AFG2A: variants seen among roughly 807,000 people sequenced by gnomAD.
AFG2A encodes AAA ATPase AFG2A, also known as ATPase family gene 2 protein homolog A.
chr4:123,119,371 C>G, the AFG2A span, among the ~76,000 whole-genome samples: 3,223 of 152,138 alleles, frequency 0.021, 64 homozygotes, highest in Non-Finnish European at 0.035. Flanking sequence ...AACAAGAAAG[C>G]AAAGGTTACG....
At chr4:122,923,188 A>G in the AFG2A span, 2 of 1,614,194 alleles carry the variant, frequency 1.2e-6, no homozygotes, top group East Asian at 2.2e-5. Context: ...AAGCGCGGAA[A>G]ATGGTTCGTC....
chr4:122,926,069 A>T, the AFG2A span, among the ~76,000 whole-genome samples: 2 of 152,204 alleles, frequency 1.3e-5, no homozygotes, highest in African/African-American at 2.4e-5. Context: ...ACTTGAGTAG[A>T]CCTATATAGT....
the AFG2A span, among the ~76,000 whole-genome samples, chr4:123,288,037 T>A: frequency 2.0e-5 from 3 of 152,016 alleles, no homozygotes; most frequent in Admixed American, 1.3e-4. Flanking sequence ...TAGAGCCCAG[T>A]TGAAAAAAAG....
the AFG2A span, among the ~76,000 whole-genome samples, chr4:123,003,532 C>T: frequency 6.6e-6 from 1 of 152,124 alleles, no homozygotes. Flanking sequence ...CAGACAGGAC[C>T]CTCAGCTGCA....
chr4:123,189,802 T>G, the AFG2A span, among the ~76,000 whole-genome samples: 6 of 145,712 alleles, frequency 4.1e-5, no homozygotes, highest in Non-Finnish European at 9.0e-5. Flanking sequence ...TTTGCTAAGG[T>G]CATTTGCTTT....
At chr4:123,308,133 C>T in the AFG2A span, among the ~76,000 whole-genome samples, 1 of 152,134 alleles carries the variant, frequency 6.6e-6, no homozygotes, top group Non-Finnish European at 1.5e-5. Context: ...CATTTTGATA[C>T]CGAAGAAAGC....
chr4:123,280,374 T>C, the AFG2A span, among the ~76,000 whole-genome samples: 1 of 152,178 alleles, frequency 6.6e-6, no homozygotes, highest in Non-Finnish European at 1.5e-5. Flanking sequence ...GTTCGGTTCC[T>C]TTACAAATAA....
the AFG2A span, among the ~76,000 whole-genome samples, chr4:123,211,302 A>G: frequency 6.6e-6 from 1 of 152,162 alleles, no homozygotes; most frequent in South Asian, 2.1e-4. Flanking sequence ...ACCTGTGTTA[A>G]CTGTTTTTAA....
At chr4:122,942,219 T>TC in the AFG2A span, among the ~76,000 whole-genome samples, 1 of 148,938 alleles carries the variant, frequency 6.7e-6, no homozygotes, top group Non-Finnish European at 1.5e-5. Flanking sequence ...TACCAGTTCC[T>TC]CCTTGTACCT....
chr4:123,043,023 C>T, the AFG2A span, among the ~76,000 whole-genome samples: 1 of 152,102 alleles, frequency 6.6e-6, no homozygotes, highest in Admixed American at 6.6e-5. Context: ...TATAAATTCC[C>T]ATCAAGCTTT....
chr4:123,252,964 A>G, the AFG2A span, among the ~76,000 whole-genome samples: 1 of 150,558 alleles, frequency 6.6e-6, no homozygotes, highest in African/African-American at 2.5e-5. Context: ...TCTATTGTTG[A>G]GTAGTATTCC....
the AFG2A span, among the ~76,000 whole-genome samples, chr4:123,234,280 A>G: frequency 4.6e-5 from 7 of 152,144 alleles, no homozygotes; most frequent in Admixed American, 2.0e-4. Flanking sequence ...TTCACATTCT[A>G]TCCTTAATGC....
chr4:123,153,164 C>T, the AFG2A span, among the ~76,000 whole-genome samples: 1 of 152,176 alleles, frequency 6.6e-6, no homozygotes, highest in East Asian at 1.9e-4. Context: ...CACAGTGGCT[C>T]ACCTATGTGT....
At chr4:122,966,971 G>A in the AFG2A span, among the ~76,000 whole-genome samples, 3 of 152,110 alleles carry the variant, frequency 2.0e-5, no homozygotes, top group African/African-American at 7.2e-5. Context: ...AGTAACTCCT[G>A]TGGTCAATGA....
chr4:122,973,747 G>A, the AFG2A span, among the ~76,000 whole-genome samples: 2 of 152,174 alleles, frequency 1.3e-5, no homozygotes, highest in Non-Finnish European at 2.9e-5. Context: ...ACTGAGTGCA[G>A]CAGCATGATG....
At chr4:123,083,159 G>C in the AFG2A span, among the ~76,000 whole-genome samples, 1 of 151,996 alleles carries the variant, frequency 6.6e-6, no homozygotes, top group Admixed American at 6.6e-5. Flanking sequence ...CTTATGTAGT[G>C]TGATGTTGAA....
At chr4:122,988,815 ATTCTTTTTTCTTTTT>A in the AFG2A span, among the ~76,000 whole-genome samples, 1 of 151,840 alleles carries the variant, frequency 6.6e-6, no homozygotes, top group African/African-American at 2.4e-5. Context: ...TTCACTCTTC[ATTCTTTTTTCTTTTT>A]GTTTTTGTGA....
chr4:122,937,290 A>T, the AFG2A span, among the ~76,000 whole-genome samples: 3 of 152,122 alleles, frequency 2.0e-5, no homozygotes, highest in Admixed American at 6.6e-5. Context: ...AGCTCAAGTG[A>T]TCCTCCCCCT....
At chr4:123,097,878 C>T in the AFG2A span, among the ~76,000 whole-genome samples, 8 of 152,156 alleles carry the variant, frequency 5.3e-5, no homozygotes, top group Admixed American at 4.6e-4. Flanking sequence ...TTGCATATCC[C>T]ATTGTCTAAG....
Sources: allele counts gnomAD v4.1 joint callset (sites outside exome capture counted in the v4.1 genomes callset), GRCh38; gene constraint gnomAD v4.1.1; transcripts MANE v1.5; gene names NCBI Gene and HGNC (gene_info 2026-07-23, HGNC 2026-07-21).